ABCA13: variants seen among roughly 807,000 people sequenced by gnomAD.
The protein encoded by ABCA13 is ATP binding cassette subfamily A member 13, also known as ATP-binding cassette sub-family A member 13.
In ABCA13, 476 loss-of-function variants were observed where a neutral mutation model predicts 478.7. The observed-to-expected ratio is 0.99, with a 90% confidence interval of 0.92 to 1.07. ABCA13 has a LOEUF of 1.07. ABCA13 is among the 50% of genes least tolerant of loss of function. ABCA13 has a pLI of 0.00. For synonymous variants in ABCA13, 2,252 were observed against 2,158.9 expected, an observed-to-expected ratio of 1.04 and a Z score of -1.20; for missense variants, 6,060 against 5,910.6, an observed-to-expected ratio of 1.03 and a Z score of -0.83.
chr7:48,329,340 A>G (rs1336190525), intron 27 of ABCA13, among the ~76,000 whole-genome samples: 1 of 152,146 alleles, frequency 6.6e-6, no homozygotes, highest in Non-Finnish European at 1.5e-5. Flanking sequence ...ACAAGATAAA[A>G]TCCCAGGAAG....
At chr7:48,314,137 C>T (rs1802191736) in intron 25 of ABCA13, 95 bp from the exon 26 acceptor site, 4 of 1,302,834 alleles carry the variant, frequency 3.1e-6, no homozygotes, top group East Asian at 2.4e-5. Flanking sequence ...ATATCTTGTA[C>T]ATTCAGTGGA....
intron 10 of ABCA13, among the ~76,000 whole-genome samples, chr7:48,241,711 C>T (rs999429556): frequency 1.3e-5 from 2 of 152,170 alleles, no homozygotes; most frequent in Non-Finnish European, 2.9e-5. Context: ...ATGTGCATTT[C>T]AAACCAGGTC....
intron 27 of ABCA13, among the ~76,000 whole-genome samples, chr7:48,329,728 T>A (rs1489519566): frequency 2.0e-5 from 3 of 152,032 alleles, no homozygotes; most frequent in Non-Finnish European, 4.4e-5. Context: ...CATCCATCCA[T>A]TCATCCATCC....
chr7:48,373,319 A>G (rs1464606664), intron 33 of ABCA13, among the ~76,000 whole-genome samples: 2 of 152,178 alleles, frequency 1.3e-5, no homozygotes, highest in Non-Finnish European at 2.9e-5. Context: ...AGGATTCATG[A>G]CGGCCCCAGT....
chr7:48,582,235 A>G (rs1315842941), intron 56 of ABCA13, among the ~76,000 whole-genome samples: 1 of 152,216 alleles, frequency 6.6e-6, no homozygotes, highest in Non-Finnish European at 1.5e-5. Flanking sequence ...CAAGTTCTTG[A>G]CTAAGACATT....
chr7:48,300,486 A>C (rs1274348521), intron 23 of ABCA13, among the ~76,000 whole-genome samples: 3 of 152,252 alleles, frequency 2.0e-5, no homozygotes, highest in Admixed American at 2.0e-4. Context: ...AATAGAACAC[A>C]ACAATGAGGA....
At chr7:48,198,853 C>T (rs1451845581) in intron 3 of ABCA13, among the ~76,000 whole-genome samples, 2 of 152,222 alleles carry the variant, frequency 1.3e-5, no homozygotes, top group Non-Finnish European at 2.9e-5. Flanking sequence ...AAGTTGCCTT[C>T]TCTGAGTCTC....
chr7:48,596,864 T>G (rs1354504725), intron 58 of ABCA13, among the ~76,000 whole-genome samples: 1 of 152,176 alleles, frequency 6.6e-6, no homozygotes, highest in Admixed American at 6.5e-5. Flanking sequence ...TTGATGGCTT[T>G]CTGCCTCTGT....
rs558745664 is a variant in ABCA13 at position 48,454,587 on chromosome 7, G to C, written c.12566-450G>C. Among the ~76,000 whole-genome samples the C allele has an allele frequency of 4.7e-4, 72 of 152,108 alleles. 1 individual carries two copies. The highest frequency in any genetic ancestry group is 7.0e-4 in the African/African-American group (29 of 41,504). The stretch of plus-strand genomic sequence containing the variant: ...GGAAGTGGAAGGCGCCGGGAGGAGC[G>C]GGGGCGGGGTGCAGGGACGGTGGAA... On this transcript the variant is annotated intron_variant, in intron 42 of 61. Coordinates refer to ENST00000435803, the MANE Select transcript of ABCA13 (RefSeq NM_152701.5).
In ABCA13 at chr7:48,275,808, A is replaced by C; in HGVS notation, c.6142A>C (p.Lys2048Gln). ...AGAAGCATTATCAAGTTTTATTGAAAAAAGTGAAACACCTTACAACTTTGA... is the reference window on the plus strand; with the variant it reads ...AGAAGCATTATCAAGTTTTATTGAACAAAGTGAAACACCTTACAACTTTGA... ...SLEALSSFIEKSETPYNFEEL... is the reference protein window; with the variant it reads ...SLEALSSFIEQSETPYNFEEL... Residue 2048 changes from lysine to glutamine, a missense_variant, in exon 17 of 62, where the codon AAA becomes CAA. Physicochemically the swap from Lys to Gln is moderately conservative, Grantham distance 53. Transcript: ENST00000435803. 6.2e-7 allele frequency: 1 copy of C among 1,612,748 alleles called. No homozygotes were observed. The highest frequency in any genetic ancestry group is 1.1e-5 in the South Asian group (1 of 90,866).
chr7:48,562,987 C>CAT (rs746800090), intron 55 of ABCA13, among the ~76,000 whole-genome samples: 1 of 151,522 alleles, frequency 6.6e-6, no homozygotes, highest in Non-Finnish European at 1.5e-5. Context: ...TGTGTATCTA[C>CAT]ATATATATAT....
chr7:48,480,867 A>C (rs1220604470), intron 45 of ABCA13, among the ~76,000 whole-genome samples, 169 bp from the exon 46 acceptor site: 1 of 152,240 alleles, frequency 6.6e-6, no homozygotes, highest in Non-Finnish European at 1.5e-5. Flanking sequence ...TAATTCTCAA[A>C]TACATGTGAC....
In ABCA13 at chr7:48,489,344, G is replaced by A. The variant is rs375236809; in HGVS notation, c.13291G>A (p.Gly4431Arg). ...CCCTACTGTGGACTGGAGACAATAC[G>A]GTAATGTTATTTTTCATGCATTGTA... Reference protein sequence around the residue: ...LPPTVDWRQYGITLYSHPYGG... With the variant: ...LPPTVDWRQYRITLYSHPYGG... Residue 4431 changes from glycine to arginine, a missense_variant and splice_region_variant, in exon 48 of 62, where the codon GGA becomes AGA. Physicochemically the swap from Gly to Arg is moderately radical, Grantham distance 125. Around this residue, in one of 3 missense-constraint regions of ABCA13, gnomAD observed 1,627 missense variants for 1,571.0 expected, o/e 1.04. Transcript: ENST00000435803. 1.1e-5 allele frequency: 18 copies of A among 1,582,106 alleles called. No individual in the cohort carries two copies. The highest frequency in any genetic ancestry group is 9.1e-5 in the South Asian group (8 of 87,586).
At chr7:48,414,485 T>C (rs1231631974) in intron 41 of ABCA13, among the ~76,000 whole-genome samples, 1 of 151,710 alleles carries the variant, frequency 6.6e-6, no homozygotes, top group Admixed American at 6.6e-5. Context: ...TTCCAAAGAT[T>C]CATCCAGCTA....
At chr7:48,642,023 C>T (rs772197010) in intron 59 of ABCA13, among the ~76,000 whole-genome samples, 4 of 152,106 alleles carry the variant, frequency 2.6e-5, no homozygotes, top group African/African-American at 4.8e-5. Flanking sequence ...GGTGCATGTC[C>T]GTATGCTTTT....
chr7:48,591,176 T>C (rs1303328293), intron 57 of ABCA13, among the ~76,000 whole-genome samples: 1 of 151,914 alleles, frequency 6.6e-6, no homozygotes, highest in East Asian at 1.9e-4. Flanking sequence ...AAGGACCGAG[T>C]TTTAATTTTT....
At chr7:48,224,439 G>A (rs76379203) in intron 5 of ABCA13, among the ~76,000 whole-genome samples, 7,315 of 152,212 alleles carry the variant, frequency 0.048, 478 homozygotes, top group African/African-American at 0.14. Context: ...GAGGCTTTGA[G>A]GATTCAAGCC....
chr7:48,561,597 G>C (rs905885885), intron 55 of ABCA13, among the ~76,000 whole-genome samples: 1 of 152,106 alleles, frequency 6.6e-6, no homozygotes, highest in African/African-American at 2.4e-5. Flanking sequence ...TTCTTTCTGA[G>C]AAAGTTTGTT....
chr7:48,569,078 T>C lies in ABCA13; in HGVS notation c.14355-11146T>C, dbSNP rs542269532. On this transcript the variant is annotated intron_variant, in intron 55 of 61. Transcript: ENST00000435803. ...TGACCTTAAAGAATCAAGATTTGAT[T>C]ATGATTATTTTCTTTATTATTTCTT... Among the ~76,000 whole-genome samples the C allele has an allele frequency of 3.9e-5, 6 of 152,180 alleles. No individual in the cohort carries two copies. In the East Asian group the frequency reaches 9.6e-4, roughly 24 times the overall value.
Sources: allele counts gnomAD v4.1 joint callset (sites outside exome capture counted in the v4.1 genomes callset), GRCh38; gene constraint gnomAD v4.1.1; regional missense constraint gnomAD v4.1.1; transcripts MANE v1.5; gene names NCBI Gene and HGNC (gene_info 2026-07-23, HGNC 2026-07-21).